The following ADGRL3 variants were observed in gnomAD, a reference collection of about 807,000 sequenced individuals.
ADGRL3 encodes the protein calcium-independent alpha-latrotoxin receptor 3.
In ADGRL3, 62 loss-of-function variants were observed where a neutral mutation model predicts 153.5. The observed-to-expected ratio is 0.40, with a 90% confidence interval of 0.33 to 0.50. The LOEUF is 0.50. ADGRL3 is among the 20% of genes least tolerant of loss of function. ADGRL3 has a pLI of 0.47. For synonymous variants in ADGRL3, 710 were observed against 672.5 expected (o/e 1.06, Z -0.86); for missense variants, 1,641 against 1,859.4 (o/e 0.88, Z 2.16).
chr4:61,446,900 T>A (rs930606753), intron 2 of ADGRL3, among the ~76,000 whole-genome samples: 2 of 152,176 alleles, frequency 1.3e-5, no homozygotes, highest in African/African-American at 4.8e-5. Context: ...TTTCATGTAG[T>A]TCTCTGCTTG....
At chr4:61,829,738 G>T (rs115433713) in intron 9 of ADGRL3, among the ~76,000 whole-genome samples, 2,204 of 152,198 alleles carry the variant, frequency 0.014, 54 homozygotes, top group African/African-American at 0.05. Flanking sequence ...TATAAACAGG[G>T]TATAGTTAGT....
At chr4:61,275,133 G>T (rs1373345290) in intron 1 of ADGRL3, among the ~76,000 whole-genome samples, 1 of 152,074 alleles carries the variant, frequency 6.6e-6, no homozygotes, top group African/African-American at 2.4e-5. Context: ...CTGCTATACT[G>T]CCCCAAACTA....
chr4:61,747,702 G>A (rs368918011), intron 8 of ADGRL3, among the ~76,000 whole-genome samples: 21 of 146,396 alleles, frequency 1.4e-4, no homozygotes, highest in South Asian at 4.4e-4. Flanking sequence ...TTGATGGGAC[G>A]TATCTCAAAA....
At chr4:61,711,020 T>C (rs1209391409) in intron 6 of ADGRL3, among the ~76,000 whole-genome samples, 1 of 152,172 alleles carries the variant, frequency 6.6e-6, no homozygotes, top group Non-Finnish European at 1.5e-5. Flanking sequence ...ATGGCACATT[T>C]ATAAAGGATT....
At chr4:61,936,413 A>T (rs1243050112) in intron 15 of ADGRL3, among the ~76,000 whole-genome samples, 2 of 152,114 alleles carry the variant, frequency 1.3e-5, no homozygotes, top group African/African-American at 4.8e-5. Flanking sequence ...TTTACTTGTA[A>T]TTAAAAAAAT....
chr4:61,263,518 C>G (rs1275334433), intron 1 of ADGRL3, among the ~76,000 whole-genome samples: 3 of 149,972 alleles, frequency 2.0e-5, no homozygotes, highest in Non-Finnish European at 3.0e-5. Flanking sequence ...ATGTATAATT[C>G]TAGCGTTTCA....
At chr4:61,908,589 CAA>C (rs1381574230) in intron 11 of ADGRL3, among the ~76,000 whole-genome samples, 2 of 113,456 alleles carry the variant, frequency 1.8e-5, no homozygotes, top group East Asian at 5.5e-4. Flanking sequence ...GCCTGGGCGA[CAA>C]GAGCAAAACA....
At chr4:61,592,453 A>AT (rs1323707017) in intron 5 of ADGRL3, among the ~76,000 whole-genome samples, 4 of 152,200 alleles carry the variant, frequency 2.6e-5, no homozygotes, top group African/African-American at 9.6e-5. Context: ...ATTCTATGTA[A>AT]TAAAAAGAAA....
chr4:61,499,716 A>G (rs2098362533), intron 3 of ADGRL3, among the ~76,000 whole-genome samples: 1 of 152,128 alleles, frequency 6.6e-6, no homozygotes, highest in African/African-American at 2.4e-5. Context: ...TGTTGATACT[A>G]AGGAAAAAAA....
intron 1 of ADGRL3, among the ~76,000 whole-genome samples, chr4:61,260,549 C>T (rs1477069270): frequency 1.3e-5 from 2 of 152,100 alleles, no homozygotes; most frequent in African/African-American, 4.8e-5. Flanking sequence ...CACTGAGTCT[C>T]ATTTTCTCTT....
chr4:61,596,286 T>C (rs1190837221), intron 5 of ADGRL3, among the ~76,000 whole-genome samples: 1 of 152,198 alleles, frequency 6.6e-6, no homozygotes, highest in Non-Finnish European at 1.5e-5. Flanking sequence ...TGAGAAAATG[T>C]ATTATGCCGG....
At chr4:61,558,377 A>G (rs2098778450) in intron 4 of ADGRL3, among the ~76,000 whole-genome samples, 1 of 151,546 alleles carries the variant, frequency 6.6e-6, no homozygotes, top group African/African-American at 2.4e-5. Flanking sequence ...GTGGCCAAAT[A>G]AGAAAATATG....
intron 3 of ADGRL3, among the ~76,000 whole-genome samples, chr4:61,502,150 A>G (rs1160831671): frequency 6.6e-6 from 1 of 152,134 alleles, no homozygotes; most frequent in Non-Finnish European, 1.5e-5. Context: ...ACCCAGTAAT[A>G]ACGTAGGTAC....
At chr4:62,018,841 G>A (rs2099225115) in intron 21 of ADGRL3, among the ~76,000 whole-genome samples, 1 of 152,092 alleles carries the variant, frequency 6.6e-6, no homozygotes, top group South Asian at 2.1e-4. Context: ...AACAGAAGGT[G>A]GTTGATGTAA....
intron 4 of ADGRL3, among the ~76,000 whole-genome samples, chr4:61,583,306 T>A (rs9684857): frequency 6.6e-6 from 1 of 152,016 alleles, no homozygotes; most frequent in Non-Finnish European, 1.5e-5. Context: ...CCTAGTCTGG[T>A]ATCTTTAGTT....
intron 25 of ADGRL3, among the ~76,000 whole-genome samples, chr4:62,057,235 G>A (rs1737517098): frequency 6.6e-6 from 1 of 152,072 alleles, no homozygotes; most frequent in African/African-American, 2.4e-5. Context: ...TAGATTTCCA[G>A]TCCTCAGTTA....
chr4:61,680,984 G>C (rs113847692), intron 6 of ADGRL3, among the ~76,000 whole-genome samples: 8 of 152,008 alleles, frequency 5.3e-5, no homozygotes, highest in African/African-American at 1.9e-4. Context: ...TGTAGCCTTT[G>C]CATTTTCTTA....
chr4:61,739,071 G>A (rs914662322), intron 8 of ADGRL3, among the ~76,000 whole-genome samples: 4 of 152,018 alleles, frequency 2.6e-5, no homozygotes, highest in African/African-American at 4.8e-5. Context: ...GAAATTGGTG[G>A]AAACATAAAT....
At chr4:61,318,710 C>T (rs1476584251) in intron 1 of ADGRL3, among the ~76,000 whole-genome samples, 2 of 152,110 alleles carry the variant, frequency 1.3e-5, no homozygotes, top group Non-Finnish European at 2.9e-5. Flanking sequence ...TGGCTCTGCA[C>T]CACCCTAGTA....
Sources: allele counts gnomAD v4.1 joint callset (sites outside exome capture counted in the v4.1 genomes callset), GRCh38; gene constraint gnomAD v4.1.1; transcripts MANE v1.5; gene names NCBI Gene and HGNC (gene_info 2026-07-23, HGNC 2026-07-21).